SSH2: variants seen among roughly 807,000 people sequenced by gnomAD.
The protein encoded by SSH2 is slingshot protein phosphatase 2.
In SSH2, 37 loss-of-function variants were observed where a neutral mutation model predicts 135.2. The ratio of observed to expected loss-of-function variants is 0.27; its 90% CI spans 0.21 to 0.36. The LOEUF (loss-of-function observed/expected upper bound fraction) is 0.36. Ranked by LOEUF, SSH2 falls within the 10% of genes least tolerant of loss-of-function variation. The pLI is 1.00. For missense variants in SSH2, 1,408 were observed against 1,765.3 expected (o/e 0.80, Z 3.63); for synonymous variants, 628 against 646.2 (o/e 0.97, Z 0.43).
intron 15 of SSH2, among the ~76,000 whole-genome samples, chr17:29,635,650 C>T (rs1031483859): frequency 1.2e-4 from 18 of 151,966 alleles, no homozygotes; most frequent in Non-Finnish European, 1.0e-4. Context: ...CCTTGTGATC[C>T]GCCCGCCTTG....
At chr17:29,910,842 T>C (rs536756828) in intron 1 of SSH2, among the ~76,000 whole-genome samples, 15 of 152,380 alleles carry the variant, frequency 9.8e-5, no homozygotes, top group African/African-American at 3.6e-4. Context: ...AAAATAAAAT[T>C]TGCTTATTAT....
chr17:29,685,775 T>C (rs1471611923), intron 5 of SSH2, among the ~76,000 whole-genome samples: 1 of 148,636 alleles, frequency 6.7e-6, no homozygotes, highest in Non-Finnish European at 1.5e-5. Context: ...GGTGACAGAG[T>C]GAGACTCTGG....
At chr17:29,788,671 T>C (rs1001337580) in intron 3 of SSH2, among the ~76,000 whole-genome samples, 1 of 151,534 alleles carries the variant, frequency 6.6e-6, no homozygotes, top group African/African-American at 2.4e-5. Context: ...TCTATATATA[T>C]CTATCTATCT....
chr17:29,766,020 CAA>C (rs56037567), intron 3 of SSH2, among the ~76,000 whole-genome samples: 17 of 100,570 alleles, frequency 1.7e-4, no homozygotes, highest in Non-Finnish European at 1.8e-4. Context: ...ACTCCGTCTC[CAA>C]AAAAAAAAAA....
chr17:29,784,981 T>G (rs1198113431), intron 3 of SSH2, among the ~76,000 whole-genome samples: 1 of 152,158 alleles, frequency 6.6e-6, no homozygotes, highest in Admixed American at 6.5e-5. Flanking sequence ...CAAATTTTCT[T>G]TTTGTTTTGT....
chr17:29,911,171 T>G (rs918781409), intron 1 of SSH2, among the ~76,000 whole-genome samples: 1 of 152,164 alleles, frequency 6.6e-6, no homozygotes. Flanking sequence ...ATGCGCTGGG[T>G]AGAAAATAAA....
rs1004709680 is a variant in SSH2 at position 29,643,206 on chromosome 17, C to T, written c.1427+4938G>A. 4.1e-5 allele frequency: 40 copies of T among 985,082 alleles called. No homozygotes were observed. In the African/African-American group the frequency reaches 5.8e-4, roughly 14 times the overall value. The allele number at this position is 985,082 out of a possible 1,614,324, so 61.0% of individuals were successfully genotyped here. ...TCTGGAGTGGTACTTTGGTGCTGGG[C>T]GAGTCTGCTGGGCCTATTCACTTGG... On this transcript the variant is annotated intron_variant, in intron 14 of 15. Transcript: ENST00000540801.
intron 1 of SSH2, among the ~76,000 whole-genome samples, chr17:29,872,860 G>A (rs938146947): frequency 1.3e-5 from 2 of 151,948 alleles, no homozygotes; most frequent in Non-Finnish European, 2.9e-5. Flanking sequence ...GCTGGGCGTG[G>A]TGCCGCGTGC....
chr17:29,834,476 T>C (rs915090920), intron 2 of SSH2, among the ~76,000 whole-genome samples: 2 of 152,040 alleles, frequency 1.3e-5, no homozygotes, highest in Non-Finnish European at 2.9e-5. Flanking sequence ...AAAAATATTA[T>C]AGAACACATT....
chr17:29,875,474 T>G (rs531707420), intron 1 of SSH2, among the ~76,000 whole-genome samples: 14 of 152,182 alleles, frequency 9.2e-5, no homozygotes, highest in Non-Finnish European at 2.1e-4. Context: ...CTTTCCATCC[T>G]TATCTCCTAT....
intron 12 of SSH2, among the ~76,000 whole-genome samples, chr17:29,652,931 C>G (rs1172686417): frequency 6.6e-6 from 1 of 152,200 alleles, no homozygotes; most frequent in East Asian, 1.9e-4. Flanking sequence ...GCTGGGATTA[C>G]AGGTGTGAAC....
intron 1 of SSH2, among the ~76,000 whole-genome samples, chr17:29,914,296 C>T (rs1351104031): frequency 6.6e-6 from 1 of 151,968 alleles, no homozygotes; most frequent in Non-Finnish European, 1.5e-5. Flanking sequence ...TGTGGTGGCT[C>T]ACACCTGTAA....
At chr17:29,721,820 G>C (rs900318878) in intron 3 of SSH2, among the ~76,000 whole-genome samples, 1 of 152,156 alleles carries the variant, frequency 6.6e-6, no homozygotes, top group Non-Finnish European at 1.5e-5. Flanking sequence ...GCTCTGAAAA[G>C]GGAGACGACC....
chr17:29,665,144 CAA>C (rs1444585292), intron 11 of SSH2, among the ~76,000 whole-genome samples: 2 of 152,222 alleles, frequency 1.3e-5, no homozygotes, highest in East Asian at 3.9e-4. Flanking sequence ...ATAGATAACA[CAA>C]AGATTCTTTC....
intron 5 of SSH2, among the ~76,000 whole-genome samples, chr17:29,685,145 T>A (rs2038160200): frequency 6.6e-6 from 1 of 152,250 alleles, no homozygotes; most frequent in South Asian, 2.1e-4. Context: ...GACTTTGCTA[T>A]ACTGAATTCC....
At chr17:29,852,148 G>C (rs147795366) in intron 1 of SSH2, among the ~76,000 whole-genome samples, 1 of 151,662 alleles carries the variant, frequency 6.6e-6, no homozygotes, top group Non-Finnish European at 1.5e-5. Context: ...CAGGTGTGGT[G>C]GTGCTCAATC....
rs950740738 is a variant in SSH2, at chr17:29,835,238, G to A, written c.144+13611C>T. ...GCCTAAGAACTGCTGTTATTTCTTT[G>A]GGGCAAAAAGAATAAGTGGACAGAT... On this transcript the variant is annotated intron_variant, in intron 2 of 15. Transcript: ENST00000540801. 2.6e-5 allele frequency among the ~76,000 whole-genome samples: 4 copies of A among 152,222 alleles called. No individual in the cohort carries two copies. In the East Asian group the frequency reaches 7.7e-4, roughly 29 times the overall value.
intron 1 of SSH2, among the ~76,000 whole-genome samples, chr17:29,877,908 C>A (rs1005004745): frequency 2.0e-5 from 3 of 152,022 alleles, no homozygotes; most frequent in Non-Finnish European, 4.4e-5. Context: ...CATATTAAGA[C>A]CCTGTCTCTA....
At chr17:29,673,363 A>T (rs948645713) in intron 8 of SSH2, among the ~76,000 whole-genome samples, 1 of 152,028 alleles carries the variant, frequency 6.6e-6, no homozygotes, top group Non-Finnish European at 1.5e-5. Flanking sequence ...TGAGGTCAGG[A>T]GATCGAGATC....
Sources: gnomAD v4.1 joint callset for allele counts (sites outside exome capture counted in the v4.1 genomes callset) on GRCh38, gnomAD v4.1.1 for gene constraint, MANE v1.5 for transcripts, NCBI Gene and HGNC (gene_info 2026-07-23, HGNC 2026-07-21) for gene names.